The following RPS6KC1 variants were observed in gnomAD, a reference collection of about 807,000 sequenced individuals.
RPS6KC1 encodes the protein inactive ribosomal protein S6 kinase delta-1.
A neutral mutation model predicts 103.8 loss-of-function variants in RPS6KC1; 54 were observed. That is an observed-to-expected ratio of 0.52 (90% CI 0.42 to 0.65). RPS6KC1 has a LOEUF of 0.65. Ranked by LOEUF, RPS6KC1 falls within the 30% of genes least tolerant of loss-of-function variation. RPS6KC1 has a pLI of 0.00. For synonymous variants in RPS6KC1, 439 were observed against 438.7 expected (o/e 1.00, Z -0.01); for missense variants, 1,151 against 1,253.8 (o/e 0.92, Z 1.24).
At chr1:213,311,007 G>C in the RPS6KC1 span, among the ~76,000 whole-genome samples, 1 of 152,144 alleles carries the variant, frequency 6.6e-6, no homozygotes, top group African/African-American at 2.4e-5. Flanking sequence ...TCAGTGGGGC[G>C]AAGACACTCG....
chr1:213,320,562 A>G, the RPS6KC1 span, among the ~76,000 whole-genome samples: 1 of 152,230 alleles, frequency 6.6e-6, no homozygotes, highest in African/African-American at 2.4e-5. Flanking sequence ...ACCTCACTGA[A>G]TCTTTTCACT....
intron 1 of RPS6KC1, among the ~76,000 whole-genome samples, chr1:213,061,328 T>G (rs750264499): frequency 1.3e-4 from 20 of 152,152 alleles, no homozygotes; most frequent in Non-Finnish European, 2.5e-4. Context: ...ATATGGGAGT[T>G]CTTTCACTCC....
At chr1:213,298,357 C>A in the RPS6KC1 span, among the ~76,000 whole-genome samples, 1 of 152,150 alleles carries the variant, frequency 6.6e-6, no homozygotes, top group Admixed American at 6.5e-5. Context: ...GATTCTATTT[C>A]TATTTCTGAC....
chr1:213,195,659 A>G (rs2092918201), intron 8 of RPS6KC1, among the ~76,000 whole-genome samples: 1 of 152,014 alleles, frequency 6.6e-6, no homozygotes, highest in Non-Finnish European at 1.5e-5. Context: ...TCATACTTAT[A>G]CTGTTGCGTC....
the RPS6KC1 span, among the ~76,000 whole-genome samples, chr1:213,484,666 G>A: frequency 6.6e-6 from 1 of 152,228 alleles, no homozygotes; most frequent in African/African-American, 2.4e-5. Context: ...GGGTGTGAAT[G>A]TCAAGAGGTG....
chr1:213,347,401 G>A, the RPS6KC1 span, among the ~76,000 whole-genome samples: 1 of 152,298 alleles, frequency 6.6e-6, no homozygotes. Context: ...AGTTATGTAT[G>A]TATATTACAA....
intron 6 of RPS6KC1, among the ~76,000 whole-genome samples, chr1:213,144,388 AC>A (rs905066704): frequency 3.9e-5 from 6 of 151,902 alleles, no homozygotes; most frequent in African/African-American, 1.5e-4. Flanking sequence ...TGATCCTCCC[AC>A]CTTAGCCTTC....
the RPS6KC1 span, among the ~76,000 whole-genome samples, chr1:213,828,333 AG>A: frequency 6.6e-6 from 1 of 152,178 alleles, no homozygotes; most frequent in Non-Finnish European, 1.5e-5. Flanking sequence ...CACCCACCGC[AG>A]GGCATGTCTA....
Position 213,123,192 on chromosome 1 carries a change from C to T in RPS6KC1, c.472+5782C>T, listed in dbSNP as rs899656284. On this transcript the variant is annotated intron_variant, in intron 5 of 14. Coordinates refer to ENST00000366960, the MANE Select transcript of RPS6KC1 (RefSeq NM_012424.6). ...GAGATTTCATTTTATGGAGGGGAGG[C>T]GGGGAGAAGACATATTTGGTATAGA... 5.3e-5 allele frequency among the ~76,000 whole-genome samples: 8 copies of T among 151,930 alleles called. No homozygotes were observed. In the South Asian group the frequency reaches 6.2e-4, roughly 12 times the overall value.
chr1:213,411,888 G>A, the RPS6KC1 span, among the ~76,000 whole-genome samples: 1 of 152,186 alleles, frequency 6.6e-6, no homozygotes, highest in Admixed American at 6.5e-5. Flanking sequence ...ATGGGCGTGG[G>A]GTGAGAGTGT....
chr1:213,145,629 T>C (rs1026376155), intron 6 of RPS6KC1, among the ~76,000 whole-genome samples: 3 of 152,088 alleles, frequency 2.0e-5, no homozygotes, highest in Non-Finnish European at 4.4e-5. Flanking sequence ...TCATGTGGCA[T>C]TAGGTAGAAT....
chr1:213,193,072 G>A (rs1164773513), intron 8 of RPS6KC1, among the ~76,000 whole-genome samples: 2 of 139,926 alleles, frequency 1.4e-5, no homozygotes, highest in Admixed American at 1.4e-4. Flanking sequence ...TATTATTCCA[G>A]TTTTTTTTTT....
the RPS6KC1 span, among the ~76,000 whole-genome samples, chr1:213,782,839 C>T: frequency 1.9e-4 from 29 of 152,186 alleles, no homozygotes; most frequent in Non-Finnish European, 3.5e-4. Flanking sequence ...TAAGGCACAA[C>T]AGCCACTGGT....
the RPS6KC1 span, among the ~76,000 whole-genome samples, chr1:213,320,253 A>T: frequency 2.0e-5 from 3 of 152,238 alleles, no homozygotes; most frequent in Admixed American, 6.5e-5. Flanking sequence ...TTACCCAGCA[A>T]ATTAGGAGAG....
the RPS6KC1 span, among the ~76,000 whole-genome samples, chr1:213,634,982 T>C: frequency 0.1 from 15,759 of 152,040 alleles, 1,293 homozygotes; most frequent in African/African-American, 0.23. Context: ...CATCAGAGAA[T>C]ACTATAAAGA....
the RPS6KC1 span, among the ~76,000 whole-genome samples, chr1:213,624,657 C>T: frequency 1.3e-5 from 2 of 152,168 alleles, no homozygotes; most frequent in Non-Finnish European, 2.9e-5. Context: ...TGCCCATAGG[C>T]CCAGCCACCC....
chr1:213,824,605 TG>T, the RPS6KC1 span, among the ~76,000 whole-genome samples: 2 of 152,190 alleles, frequency 1.3e-5, no homozygotes, highest in African/African-American at 4.8e-5. Flanking sequence ...AATTGAATCA[TG>T]GGGGCAGGTC....
chr1:213,807,405 T>A, the RPS6KC1 span, among the ~76,000 whole-genome samples: 544 of 152,356 alleles, frequency 3.6e-3, 4 homozygotes, highest in African/African-American at 0.011. Context: ...TCCCCGTCAC[T>A]TTCAGGTACA....
At chr1:213,122,379 T>C (rs921815109) in intron 5 of RPS6KC1, among the ~76,000 whole-genome samples, 2 of 152,202 alleles carry the variant, frequency 1.3e-5, no homozygotes, top group Non-Finnish European at 2.9e-5. Flanking sequence ...GAAAAAAATC[T>C]GTATCGAAAT....
Sources: allele counts gnomAD v4.1 joint callset (sites outside exome capture counted in the v4.1 genomes callset), GRCh38; gene constraint gnomAD v4.1.1; transcripts MANE v1.5; gene names NCBI Gene and HGNC (gene_info 2026-07-23, HGNC 2026-07-21).